Variants in NPM1 observed in about 807,000 individuals in gnomAD.
NPM1 encodes the protein nucleophosmin 1.
A neutral mutation model predicts 44.1 loss-of-function variants in NPM1; 1 was observed. The ratio of observed to expected loss-of-function variants is 0.02; its 90% confidence interval spans 0.01 to 0.11. The LOEUF (loss-of-function observed/expected upper bound fraction) is 0.11. NPM1 is among the 10% of genes least tolerant of loss of function. The pLI is 1.00. For missense variants in NPM1, 197 were observed against 347.8 expected (o/e 0.57, Z 3.45); for synonymous variants, 126 against 111.8 (o/e 1.13, Z -0.80).
chr5:171,409,309 A>G (rs1395983854), intron 10 of NPM1, among the ~76,000 whole-genome samples: 1 of 152,190 alleles, frequency 6.6e-6, no homozygotes, highest in Non-Finnish European at 1.5e-5. Context: ...ACCTGATGAT[A>G]AGATCTCTGG....
intron 10 of NPM1, among the ~76,000 whole-genome samples, chr5:171,408,484 T>A (rs985540646): frequency 8.5e-5 from 13 of 152,216 alleles, no homozygotes; most frequent in African/African-American, 3.1e-4. Flanking sequence ...AATTTGGCAA[T>A]TAGCTGGTTT....
chr5:171,405,661 C>G (rs1001079413), intron 9 of NPM1: 12 of 423,698 alleles, frequency 2.8e-5, no homozygotes, highest in Non-Finnish European at 4.6e-5. Flanking sequence ...AGATAACATT[C>G]TGACCTTCCA....
chr5:171,399,118 C>G (rs551166362), intron 6 of NPM1, among the ~76,000 whole-genome samples: 1 of 152,188 alleles, frequency 6.6e-6, no homozygotes, highest in Non-Finnish European at 1.5e-5. Context: ...TAAAAAGTGC[C>G]GGGATTACAA....
chr5:171,400,961 C>A (rs773599641), intron 8 of NPM1, 36 bp downstream of exon 8: 6 of 1,372,214 alleles, frequency 4.4e-6, no homozygotes, highest in South Asian at 1.2e-5. Flanking sequence ...TCTCATTGAT[C>A]TAGTTGGGGA....
At position 171,393,350 on chromosome 5, in the gene NPM1, A is replaced by G. The variant is rs367864799; in HGVS notation, c.524+372A>G. 8.0e-4 allele frequency among the ~76,000 whole-genome samples: 122 copies of G among 152,322 alleles called. 3 individuals are homozygous for G. In the South Asian group the frequency reaches 0.024, roughly 30 times the overall value. On this transcript the variant is annotated intron_variant, in intron 6 of 10. Coordinates refer to ENST00000296930, the MANE Select transcript of NPM1 (RefSeq NM_002520.7). ...TTGGGTTGAAAGAAAATATGATTAA[A>G]TAGCTCTATATTCATTTTACAAGTT...
chr5:171,388,467 G>T (rs915626234), intron 1 of NPM1, among the ~76,000 whole-genome samples: 9 of 152,126 alleles, frequency 5.9e-5, no homozygotes. Context: ...CGTTATTCTG[G>T]CCTCAGAGCC....
At chr5:171,391,873 T>C in intron 4 of NPM1, 74 bp downstream of exon 4, 1 of 853,608 alleles carries the variant, frequency 1.2e-6, no homozygotes, top group Non-Finnish European at 2.0e-6. Context: ...AGTTTGGACT[T>C]AAAGCATGGG....
intron 8 of NPM1, among the ~76,000 whole-genome samples, chr5:171,404,232 T>G (rs1433530792): frequency 1.1e-5 from 1 of 89,992 alleles, no homozygotes; most frequent in African/African-American, 4.5e-5. Context: ...GGGCGGGGGG[T>G]TGACCCCCCC....
intron 6 of NPM1, among the ~76,000 whole-genome samples, chr5:171,395,427 G>A (rs1202477384): frequency 1.3e-5 from 2 of 152,028 alleles, no homozygotes; most frequent in South Asian, 2.1e-4. Flanking sequence ...GGCCTCCAGA[G>A]TAGCTTGGAT....
chr5:171,406,849 G>A, intron 9 of NPM1: 1 of 330,366 alleles, frequency 3.0e-6, no homozygotes, highest in East Asian at 8.3e-5. Flanking sequence ...TTGGACATTT[G>A]AAAACCTTTT....
intron 6 of NPM1, among the ~76,000 whole-genome samples, chr5:171,398,008 G>A (rs1245451657): frequency 3.3e-5 from 5 of 151,934 alleles, no homozygotes; most frequent in African/African-American, 1.2e-4. Flanking sequence ...GGCCAGGCTG[G>A]TCTTGAACTC....
At chr5:171,406,468 A>C in intron 9 of NPM1, 1 of 1,608,842 alleles carries the variant, frequency 6.2e-7, no homozygotes, top group Non-Finnish European at 8.5e-7. Context: ...AGGAGAGACA[A>C]ATATAGTCCA....
chr5:171,387,785 G>A, upstream of NPM1: 1 of 673,152 alleles, frequency 1.5e-6, no homozygotes, highest in South Asian at 1.8e-5. Flanking sequence ...GCGCGCGGAG[G>A]CGGGACTTGG....
intron 1 of NPM1, among the ~76,000 whole-genome samples, 185 bp downstream of exon 1, chr5:171,388,191 C>T (rs925546564): frequency 1.1e-4 from 17 of 151,848 alleles, no homozygotes; most frequent in African/African-American, 4.1e-4. Context: ...CGGGGGGAGC[C>T]GGTGGCGTGA....
intron 1 of NPM1, among the ~76,000 whole-genome samples, chr5:171,389,717 AAACTT>A (rs1243687101): frequency 1.3e-5 from 2 of 152,172 alleles, no homozygotes; most frequent in African/African-American, 4.8e-5. Context: ...AAATAGTGGG[AAACTT>A]AACATTGGAC....
intron 8 of NPM1, 41 bp from the exon 9 acceptor site, chr5:171,405,261 A>C (rs879425578): frequency 4.1e-6 from 4 of 973,502 alleles, no homozygotes; most frequent in Non-Finnish European, 6.3e-6. Context: ...TAGGAATTGT[A>C]TTTATTCTTA....
intron 9 of NPM1, chr5:171,406,820 C>A: frequency 1.8e-6 from 1 of 543,776 alleles, no homozygotes; most frequent in Non-Finnish European, 2.4e-6. Flanking sequence ...AATGCTATAC[C>A]TGATTCTGCC....
In NPM1 at chr5:171,397,111, C is replaced by T. The variant is rs1360440087; in HGVS notation, c.525-3042C>T. Among the ~76,000 whole-genome samples the T allele has an allele frequency of 2.0e-5, 3 of 152,268 alleles. No individual in the cohort carries two copies. The East Asian group carries it at 5.8e-4, about 29-fold the overall frequency. On this transcript the variant is annotated intron_variant, in intron 6 of 10. Coordinates refer to ENST00000296930, the MANE Select transcript of NPM1 (RefSeq NM_002520.7). ...CCTCATGCTCTTCAGCTCTAGTCAA[C>T]CACGAATGAACTTTGTCTATAGGTT... is the stretch of plus-strand genomic sequence containing the variant.
chr5:171,399,404 C>T (rs761247588), intron 6 of NPM1, among the ~76,000 whole-genome samples: 3 of 152,144 alleles, frequency 2.0e-5, no homozygotes, highest in Admixed American at 1.3e-4. Context: ...CACCACCACG[C>T]CTGCTAATTA....
Sources: allele counts gnomAD v4.1 joint callset (sites outside exome capture counted in the v4.1 genomes callset), GRCh38; gene constraint gnomAD v4.1.1; transcripts MANE v1.5; gene names NCBI Gene and HGNC (gene_info 2026-07-23, HGNC 2026-07-21).